PLEKHG6: variants seen among roughly 807,000 people sequenced by gnomAD.
PLEKHG6 encodes the protein pleckstrin homology domain-containing family G member 6.
In PLEKHG6, 91 loss-of-function variants were observed where a neutral mutation model predicts 97.5. That is an observed-to-expected ratio of 0.93 (90% CI 0.79 to 1.11). PLEKHG6 has a LOEUF of 1.11. PLEKHG6 is among the 50% of genes most tolerant of loss of function. The pLI, the probability that PLEKHG6 is intolerant of heterozygous loss-of-function variation, is 0.00. For synonymous variants in PLEKHG6, 466 were observed against 425.5 expected, an observed-to-expected ratio of 1.10 and a Z score of -1.17; for missense variants, 1,044 against 1,031.0, an observed-to-expected ratio of 1.01 and a Z score of -0.17.
intron 13 of PLEKHG6, among the ~76,000 whole-genome samples, chr12:6,323,249 T>G (rs1231897397): frequency 6.6e-6 from 1 of 152,236 alleles, no homozygotes; most frequent in Non-Finnish European, 1.5e-5. Context: ...AACCAAGATA[T>G]GCACCAAGGC....
At chr12:6,313,035 G>T in intron 2 of PLEKHG6, 2 of 1,499,406 alleles carry the variant, frequency 1.3e-6, no homozygotes, top group Middle Eastern at 1.7e-4. Flanking sequence ...AAGTATGTGG[G>T]GTAATTCAGG....
rs138347774 is a variant in PLEKHG6, at chr12:6,322,714, T to TAAA, written c.1524+3606_1524+3607insAAA. On this transcript the variant is annotated intron_variant, in intron 13 of 15. Transcript: ENST00000684764. Reference sequence around the variant, plus strand: ...TGGCCAACATGGCAAAACCCCATCTTTACAAAAAATACAAAAATTAGCTGG... The same window carrying TAAA: ...TGGCCAACATGGCAAAACCCCATCTTAAATACAAAAAATACAAAAATTAGCTGG... Among the ~76,000 whole-genome samples the TAAA allele has an allele frequency of 8.1e-3, 1,234 of 152,076 alleles. 17 individuals are homozygous for TAAA. Among genetic ancestry groups the TAAA allele is most frequent in the African/African-American group, 0.027 (1,134 of 41,472 alleles).
At chr12:6,324,373 C>A (rs1207506543) in intron 13 of PLEKHG6, among the ~76,000 whole-genome samples, 1 of 151,956 alleles carries the variant, frequency 6.6e-6, no homozygotes, top group Non-Finnish European at 1.5e-5. Context: ...ATTGAACGTC[C>A]CTTACAGAAA....
chr12:6,327,362 G>A lies in PLEKHG6; in HGVS notation c.1779G>A (p.Leu593=). 1 of 1,614,148 alleles carries A rather than the reference G, an allele frequency of 6.2e-7. No individual in the cohort carries two copies. The highest frequency in any genetic ancestry group is 2.2e-5 in the East Asian group (1 of 44,880). ...CCTCAGACTCTGGCTACGGCACTTTGATCCCAGGCACCCCCACGGGGTCCC... is the reference window on the plus strand; with the variant it reads ...CCTCAGACTCTGGCTACGGCACTTTAATCCCAGGCACCCCCACGGGGTCCC... ...DDTSDSGYGT[L]IPGTPTGSRS... is the part of the protein sequence containing the mutation. The change falls in exon 15 of 16, where the codon TTG becomes TTA. Residue 593 remains leucine, a synonymous_variant. Transcript: ENST00000684764.
In PLEKHG6 at chr12:6,318,350, T is replaced by C. The variant is rs1252809680; in HGVS notation, c.1205T>C (p.Val402Ala). 1.2e-6 allele frequency: 2 copies of C among 1,613,688 alleles called. No homozygotes were observed. The highest frequency in any genetic ancestry group is 1.7e-6 in the Non-Finnish European group (2 of 1,179,886). Residue 402 changes from valine to alanine, a missense_variant, in exon 11 of 16, where the codon GTT (valine) becomes GCT (alanine). Physicochemically the swap from Val to Ala is moderately conservative, Grantham distance 64. Coordinates refer to ENST00000684764, the MANE Select transcript of PLEKHG6 (RefSeq NM_001384598.1). ...TLDLTSPMLG[V>A]ASEHTRQLLL... ...GACCTGACGTCCCCCATGCTGGGGG[T>C]TGCATCTGAGCACACCAGACAGCTG...
At position 6,317,947 on chromosome 12, in the gene PLEKHG6, A is replaced by G. The variant is rs1947545216; in HGVS notation, c.1108A>G (p.Ile370Val). 2.5e-6 allele frequency: 4 copies of G among 1,582,094 alleles called. No homozygotes were observed. Among genetic ancestry groups the G allele is most frequent in the Admixed American group, 1.9e-5 (1 of 53,972 alleles). Reference protein sequence around the residue: ...QESLAAAAQRIGPYEVLEPPS... With the variant: ...QESLAAAAQRVGPYEVLEPPS... ...GAGCTTGGCGGCTGCAGCACAACGC[A>G]TCGGGCCCTACGAGGTGCTGGAGCC... Residue 370 changes from isoleucine (I) to valine (V), a missense_variant, in exon 10 of 16, where the codon ATC becomes GTC. Transcript: ENST00000684764.
intron 8 of PLEKHG6, 67 bp downstream of exon 8, chr12:6,317,480 A>G: frequency 6.2e-7 from 1 of 1,611,672 alleles, no homozygotes; most frequent in Admixed American, 1.7e-5. Flanking sequence ...GCTGAGCCTG[A>G]GGCTGAGTTC....
At chr12:6,324,763 G>A (rs573369210) in intron 13 of PLEKHG6, among the ~76,000 whole-genome samples, 4 of 152,114 alleles carry the variant, frequency 2.6e-5, no homozygotes, top group African/African-American at 9.7e-5. Flanking sequence ...CATCCATTTC[G>A]TCTCTTGTCC....
chr12:6,327,483 CACCCT>C lies in PLEKHG6; in HGVS notation c.1901_1905del (p.His634ProfsTer34). On this transcript the variant is annotated frameshift_variant, in exon 15 of 16. Transcript: ENST00000684764. LOFTEE classifies it high-confidence loss of function. ...ACTCCGGGACATCCCTCTGCGTCCC[CACCCT>C]CCCGACCCCCAAGCTCCTCAACGCC... 9.1e-7 allele frequency: 1 copy of C among 1,094,092 alleles called. No homozygotes were observed. Among genetic ancestry groups the C allele is most frequent in the Non-Finnish European group, 1.3e-6 (1 of 745,766 alleles). 67.8% of individuals were successfully genotyped at this position (1,094,092 alleles called of 1,614,324 possible).
chr12:6,318,780 C>T lies in PLEKHG6; in HGVS notation c.1311C>T (p.Leu437=). ...ACCTGTTCCTCTTCTCTGATGTGCT[C>T]CTTGTGACCAAGCCCCAGCGCAAGG... The part of the protein sequence containing the change: ...DVYLFLFSDV[L]LVTKPQRKAD... Residue 437 remains leucine, a synonymous_variant, in exon 12 of 16, where the codon CTC becomes CTT. Coordinates refer to ENST00000684764, the MANE Select transcript of PLEKHG6 (RefSeq NM_001384598.1). 9 of 1,614,084 alleles carry T rather than the reference C, an allele frequency of 5.6e-6. No individual in the cohort carries two copies. Among genetic ancestry groups the T allele is most frequent in the Non-Finnish European group, 7.6e-6 (9 of 1,179,984 alleles).
chr12:6,313,151 T>G, intron 2 of PLEKHG6: 1 of 1,548,706 alleles, frequency 6.5e-7, no homozygotes, highest in Non-Finnish European at 8.7e-7. Context: ...CTGGATGGGA[T>G]GCAGGCTGCA....
rs200810122 is a variant in PLEKHG6 at position 6,328,475 on chromosome 12, C to G, written c.*330C>G. On this transcript the variant is annotated 3_prime_UTR_variant, in exon 16 of 16. Coordinates refer to ENST00000684764, the MANE Select transcript of PLEKHG6 (RefSeq NM_001384598.1). ...ACCAGCCTGGGCAATATAGGGAAAC[C>G]CTGTCTTTACAAAAAAAAATTTTAA... 3 of 265,090 alleles carry G rather than the reference C, an allele frequency of 1.1e-5. No individual in the cohort carries two copies. The East Asian group carries it at 2.4e-4, about 21-fold the overall frequency. 16.4% of individuals were successfully genotyped at this position (265,090 alleles called of 1,614,324 possible).
rs1947435633 is a variant in PLEKHG6 at position 6,315,794 on chromosome 12, A to G, written c.556-75A>G. 7.4e-7 allele frequency: 1 copy of G among 1,355,164 alleles called. No individual in the cohort carries two copies. Among genetic ancestry groups the G allele is most frequent in the Non-Finnish European group, 1.0e-6 (1 of 978,928 alleles). 83.9% of individuals were successfully genotyped at this position (1,355,164 alleles called of 1,614,324 possible). On this transcript the variant is annotated intron_variant, in intron 5 of 15. Transcript: ENST00000684764. The surrounding 1 kb of genome is among the most constrained non-coding windows in gnomAD (Gnocchi z 4.5). ...CAGGGAGATAGGTCAGCAGTACTGA[A>G]GTTGGTGGGGGGTGGGAGGTGACGA... is the stretch of plus-strand genomic sequence containing the variant.
At chr12:6,327,991 T>C (rs1489583816) in intron 15 of PLEKHG6, 45 bp downstream of exon 15, 1 of 1,507,354 alleles carries the variant, frequency 6.6e-7, no homozygotes, top group Non-Finnish European at 8.9e-7. Flanking sequence ...CAGACGGGGA[T>C]GTCTGTATGG....
intron 10 of PLEKHG6, 133 bp downstream of exon 10, chr12:6,318,127 A>G (rs1947554236): frequency 1.5e-6 from 2 of 1,359,936 alleles, no homozygotes; most frequent in Non-Finnish European, 2.0e-6. Flanking sequence ...TGGTGGTGAC[A>G]GTCCAAGGGG....
In PLEKHG6 at chr12:6,318,264, G is replaced by A. The variant is rs112101705; in HGVS notation, c.1156-37G>A. 1.2e-3 allele frequency: 1,882 copies of A among 1,612,926 alleles called. 20 individuals are homozygous for A. In the African/African-American group the frequency reaches 0.021, roughly 18 times the overall value. ...CTTGGCCAGGAAGTCCAGGCAGACT[G>A]CCGAGCGCCCTGACCCCTCCCCTCT... On this transcript the variant is annotated intron_variant, in intron 10 of 15. Coordinates refer to ENST00000684764, the MANE Select transcript of PLEKHG6 (RefSeq NM_001384598.1).
chr12:6,318,622 C>T, intron 11 of PLEKHG6, 123 bp from the exon 12 acceptor site: 2 of 1,237,634 alleles, frequency 1.6e-6, no homozygotes, highest in South Asian at 2.8e-5. Context: ...CCTGGCCACT[C>T]CCGCATTTGG....
chr12:6,317,011 C>T (rs1302078312), intron 7 of PLEKHG6, among the ~76,000 whole-genome samples: 4 of 152,206 alleles, frequency 2.6e-5, no homozygotes, highest in Non-Finnish European at 5.9e-5. Context: ...GCTGAATTAT[C>T]GATGGTGGGA....
chr12:6,313,423 C>G (rs1947341678), intron 2 of PLEKHG6, among the ~76,000 whole-genome samples: 1 of 152,224 alleles, frequency 6.6e-6, no homozygotes, highest in Admixed American at 6.5e-5. Flanking sequence ...TTGCCTCTGC[C>G]CACTCAGCTT....
Sources: gnomAD v4.1 joint callset for allele counts (sites outside exome capture counted in the v4.1 genomes callset) on GRCh38, gnomAD v4.1.1 for gene constraint, Gnocchi (gnomAD v3.1) non-coding constraint, MANE v1.5 for transcripts, NCBI Gene and HGNC (gene_info 2026-07-23, HGNC 2026-07-21) for gene names.